Variants in SHCBP1 observed in about 807,000 individuals in gnomAD.
SHCBP1 encodes the protein SHC SH2 domain-binding protein 1.
A neutral mutation model predicts 75.1 loss-of-function variants in SHCBP1; 60 were observed. That is an observed-to-expected ratio of 0.80 (90% CI 0.65 to 0.99). SHCBP1 has a LOEUF of 0.99. Ranked by LOEUF, SHCBP1 falls within the 50% of genes least tolerant of loss-of-function variation. The probability of loss-of-function intolerance (pLI) is 0.00; values close to 1 mark genes in which losing one functional copy is unlikely to be tolerated. For synonymous variants in SHCBP1, 290 were observed against 293.2 expected (o/e 0.99, Z 0.11); for missense variants, 709 against 809.4 (o/e 0.88, Z 1.50).
chr16:46,617,821 C>A, intron 2 of SHCBP1, 72 bp from the exon 3 acceptor site: 1 of 1,164,634 alleles, frequency 8.6e-7, no homozygotes, highest in East Asian at 2.3e-5. Context: ...TCCACTTTCT[C>A]AGAAACAACT....
At position 46,587,054 on chromosome 16, in the gene SHCBP1, C is replaced by G. The variant is rs143512516; in HGVS notation, c.1465-2965G>C. The stretch of plus-strand genomic sequence containing the variant: ...CAAAGATATAGGTAAATACAATAAG[C>G]TTTCCTTCTCTTGAGTGTTCTAAAT... On this transcript the variant is annotated intron_variant, in intron 10 of 12. Coordinates refer to ENST00000303383, the MANE Select transcript of SHCBP1 (RefSeq NM_024745.5). Among the ~76,000 whole-genome samples the G allele has an allele frequency of 6.3e-3, 956 of 152,088 alleles. 11 individuals carry two copies. Among genetic ancestry groups the G allele is most frequent in the Non-Finnish European group, 8.3e-3 (562 of 67,968 alleles).
intron 10 of SHCBP1, among the ~76,000 whole-genome samples, chr16:46,592,946 A>C (rs1965068908): frequency 1.0e-5 from 1 of 98,618 alleles, no homozygotes; most frequent in African/African-American, 3.6e-5. Flanking sequence ...TATGATAAAA[A>C]TTCTCAAAAA....
At chr16:46,593,619 C>T (rs897282092) in intron 10 of SHCBP1, among the ~76,000 whole-genome samples, 1 of 152,088 alleles carries the variant, frequency 6.6e-6, no homozygotes, top group Admixed American at 6.5e-5. Flanking sequence ...CACCTTTAGT[C>T]CCAGCTACTT....
chr16:46,591,117 T>C (rs1157662945), intron 10 of SHCBP1, among the ~76,000 whole-genome samples: 2 of 151,930 alleles, frequency 1.3e-5, no homozygotes, highest in Admixed American at 1.3e-4. Flanking sequence ...AATTGAACAA[T>C]GAGAACACTT....
At chr16:46,614,009 A>AT (rs769589439) in intron 4 of SHCBP1, among the ~76,000 whole-genome samples, 23 of 152,320 alleles carry the variant, frequency 1.5e-4, no homozygotes, top group Non-Finnish European at 5.9e-5. Flanking sequence ...GCCCATAGAG[A>AT]TTAGCTCCCT....
Position 46,598,045 on chromosome 16 carries a change from T to A in SHCBP1, c.1345+1786A>T, listed in dbSNP as rs183567652. Among the ~76,000 whole-genome samples, 410 of 152,322 alleles carry A rather than the reference T, an allele frequency of 2.7e-3. 2 individuals carry two copies. Among genetic ancestry groups the A allele is most frequent in the African/African-American group, 9.3e-3 (388 of 41,568 alleles). ...CTACTTGCTATCATCAGGCTCTAGT[T>A]CTCTTGCTATTTCCACCACATCTGC... On this transcript the variant is annotated intron_variant, in intron 9 of 12. Transcript: ENST00000303383.
chr16:46,616,170 A>G lies in SHCBP1; in HGVS notation c.388-16T>C, dbSNP rs749602296. On this transcript the variant is annotated splice_polypyrimidine_tract_variant and intron_variant, in intron 3 of 12. Transcript: ENST00000303383. This position sits in a 1 kb window ranked among gnomAD's most constrained non-coding sequence, Gnocchi z 4.4. ...CATCTGTGATCTGAAATTTAAAATA[A>G]TGTGACTTAACACATGGAAATCAAA... 5 of 1,609,270 alleles carry G rather than the reference A, an allele frequency of 3.1e-6. No homozygotes were observed. Among genetic ancestry groups the G allele is most frequent in the East Asian group, 2.2e-5 (1 of 44,772 alleles).
Position 46,604,479 on chromosome 16 carries a change from A to T in SHCBP1, c.690-18T>A. ...CATAATGCCTGAAAGTTTAAAAGCAAAGTGAAATCCACTGCCTTTCAGGCA... is the reference window on the plus strand; with the variant it reads ...CATAATGCCTGAAAGTTTAAAAGCATAGTGAAATCCACTGCCTTTCAGGCA... On this transcript the variant is annotated intron_variant, in intron 5 of 12. Transcript: ENST00000303383. The T allele has an allele frequency of 6.4e-7, 1 of 1,565,120 alleles. No homozygotes were observed. The highest frequency in any genetic ancestry group is 1.7e-5 in the Admixed American group (1 of 59,416).
chr16:46,606,372 A>G (rs1358571788), intron 5 of SHCBP1, among the ~76,000 whole-genome samples: 1 of 152,182 alleles, frequency 6.6e-6, no homozygotes, highest in Non-Finnish European at 1.5e-5. Flanking sequence ...AAGTCTGCCT[A>G]CATTTGATAA....
chr16:46,605,217 A>C (rs1965307495), intron 5 of SHCBP1, among the ~76,000 whole-genome samples: 1 of 152,262 alleles, frequency 6.6e-6, no homozygotes, highest in Non-Finnish European at 1.5e-5. Flanking sequence ...AACAGAATAC[A>C]GAGTATTTCT....
In SHCBP1 at chr16:46,603,609, A is replaced by G; in HGVS notation, c.1143T>C (p.Thr381=). 1 of 1,614,212 alleles carries G rather than the reference A, an allele frequency of 6.2e-7. No individual in the cohort carries two copies. The highest frequency in any genetic ancestry group is 8.5e-7 in the Non-Finnish European group (1 of 1,180,030). ...SAINACFEGD[T]VIVCPGHYVV... ...CATAATGGCCAGGACAAACAATAAC[A>G]GTGTCACCTTCGAAGCAGGCATTTA... The change falls in exon 8 of 13, where the codon ACT becomes ACC. Residue 381 remains threonine, a synonymous_variant. Coordinates refer to ENST00000303383, the MANE Select transcript of SHCBP1 (RefSeq NM_024745.5).
intron 8 of SHCBP1, among the ~76,000 whole-genome samples, chr16:46,602,897 C>T (rs1965263893): frequency 6.6e-6 from 1 of 152,234 alleles, no homozygotes; most frequent in Admixed American, 6.5e-5. Flanking sequence ...TCCCAAAGTG[C>T]TGGGATTACA....
At chr16:46,602,541 A>G (rs1965257138) in intron 8 of SHCBP1, among the ~76,000 whole-genome samples, 1 of 152,096 alleles carries the variant, frequency 6.6e-6, no homozygotes, top group South Asian at 2.1e-4. Flanking sequence ...TAAATTTGAC[A>G]TGTTATGAAA....
intron 5 of SHCBP1, among the ~76,000 whole-genome samples, chr16:46,605,268 C>A (rs931700924): frequency 6.6e-6 from 1 of 152,070 alleles, no homozygotes; most frequent in Non-Finnish European, 1.5e-5. Context: ...ATCAAGTTAA[C>A]AGATATAAAA....
intron 10 of SHCBP1, among the ~76,000 whole-genome samples, chr16:46,593,297 T>C (rs1487006244): frequency 6.6e-6 from 1 of 152,174 alleles, no homozygotes; most frequent in Non-Finnish European, 1.5e-5. Context: ...AAATAAATTA[T>C]ATTTCTATAT....
chr16:46,596,589 G>A (rs1055624974), intron 9 of SHCBP1, among the ~76,000 whole-genome samples: 1 of 151,294 alleles, frequency 6.6e-6, no homozygotes, highest in Admixed American at 6.6e-5. Flanking sequence ...GCTAATTTTT[G>A]TATTTTTTAG....
chr16:46,621,336 G>GCCCGTCAGCGA lies in SHCBP1; in HGVS notation c.13_23dup (p.Gly9ArgfsTer2), dbSNP rs1262847028. The stretch of plus-strand genomic sequence containing the variant: ...CCATGGCCGCTGCCTCCAGACCGCC[G>GCCCGTCAGCGA]CCCGTCAGCGACCCGTCAGCCATTT... On this transcript the variant is annotated stop_gained and frameshift_variant, in exon 1 of 13. Coordinates refer to ENST00000303383, the MANE Select transcript of SHCBP1 (RefSeq NM_024745.5). LOFTEE classifies it high-confidence loss of function. 8 of 1,611,136 alleles carry GCCCGTCAGCGA rather than the reference G, an allele frequency of 5.0e-6. No homozygotes were observed. Among genetic ancestry groups the GCCCGTCAGCGA allele is most frequent in the Middle Eastern group, 1.6e-4 (1 of 6,080 alleles).
chr16:46,597,851 G>C (rs1018453567), intron 9 of SHCBP1, among the ~76,000 whole-genome samples: 1 of 152,132 alleles, frequency 6.6e-6, no homozygotes, highest in Non-Finnish European at 1.5e-5. Flanking sequence ...GCTTTACCAA[G>C]TTTACCTAAT....
chr16:46,595,826 C>G (rs1339341768), intron 9 of SHCBP1, among the ~76,000 whole-genome samples, 156 bp from the exon 10 acceptor site: 3 of 152,058 alleles, frequency 2.0e-5, no homozygotes, highest in Admixed American at 1.3e-4. Flanking sequence ...AAATATAAAA[C>G]AATGACTATT....
Sources: allele counts gnomAD v4.1 joint callset (sites outside exome capture counted in the v4.1 genomes callset), GRCh38; gene constraint gnomAD v4.1.1; non-coding constraint Gnocchi (gnomAD v3.1); transcripts MANE v1.5; gene names NCBI Gene and HGNC (gene_info 2026-07-23, HGNC 2026-07-21).